Variants in SCIN observed in about 807,000 individuals in gnomAD.
SCIN encodes the protein scinderin.
Under a neutral mutation model 91.8 loss-of-function variants are expected in SCIN, and 91 were observed. The ratio of observed to expected loss-of-function variants is 0.99; its 90% CI spans 0.84 to 1.18. The LOEUF (loss-of-function observed/expected upper bound fraction) is 1.18, where lower values mean the gene tolerates loss of function less well. SCIN is among the 50% of genes most tolerant of loss of function. SCIN has a pLI of 0.00. For synonymous variants in SCIN, 367 were observed against 312.6 expected, an observed-to-expected ratio of 1.17 and a Z score of -1.84; for missense variants, 1,087 against 863.9, an observed-to-expected ratio of 1.26 and a Z score of -3.24.
intron 10 of SCIN, among the ~76,000 whole-genome samples, chr7:12,637,627 G>A (rs1037433471): frequency 1.3e-5 from 2 of 150,172 alleles, no homozygotes; most frequent in Non-Finnish European, 2.9e-5. Flanking sequence ...AATGAGACAA[G>A]TAAGAAGGAG....
At chr7:12,632,797 C>G (rs1013750682) in intron 9 of SCIN, among the ~76,000 whole-genome samples, 1 of 152,150 alleles carries the variant, frequency 6.6e-6, no homozygotes, top group African/African-American at 2.4e-5. Flanking sequence ...GGCACCACAT[C>G]GGTAAAAGTT....
intron 5 of SCIN, among the ~76,000 whole-genome samples, chr7:12,623,457 G>T (rs1296287705): frequency 5.3e-5 from 8 of 152,134 alleles, no homozygotes; most frequent in Non-Finnish European, 1.0e-4. Context: ...ACCACTCTGG[G>T]TCTAAGTATT....
rs1784122513 is a variant in SCIN, at chr7:12,653,479, T to C, written c.*764T>C. On this transcript the variant is annotated 3_prime_UTR_variant, in exon 16 of 16. Coordinates refer to ENST00000297029, the MANE Select transcript of SCIN (RefSeq NM_001112706.3). This position sits in a 1 kb window ranked among gnomAD's most constrained non-coding sequence, Gnocchi z 4.1. ...CAATAAGGTTTATGTTAAGGTGGCT[T>C]TAACAATTGGTTGCTATTTTCCTTC... The C allele has an allele frequency of 6.6e-6, 1 of 152,222 alleles. No homozygotes were observed. The highest frequency in any genetic ancestry group is 1.5e-5 in the Non-Finnish European group (1 of 68,040). 9.4% of individuals were successfully genotyped at this position (152,222 alleles called of 1,614,324 possible).
chr7:12,571,058 G>A, intron 1 of SCIN, 73 bp downstream of exon 1: 4 of 1,435,258 alleles, frequency 2.8e-6, no homozygotes, highest in Non-Finnish European at 3.7e-6. Flanking sequence ...TCTGAGATTT[G>A]CAGGCGTGGG....
intron 4 of SCIN, among the ~76,000 whole-genome samples, chr7:12,606,160 A>G (rs756929823): frequency 3.3e-5 from 5 of 152,216 alleles, no homozygotes; most frequent in Non-Finnish European, 5.9e-5. Flanking sequence ...ACCAGTTGCT[A>G]CTTCCTTGTA....
At chr7:12,606,359 C>G (rs1213887092) in intron 4 of SCIN, among the ~76,000 whole-genome samples, 1 of 152,160 alleles carries the variant, frequency 6.6e-6, no homozygotes, top group Non-Finnish European at 1.5e-5. Flanking sequence ...TAAAGGCTAT[C>G]TCATAAACAT....
intron 3 of SCIN, among the ~76,000 whole-genome samples, chr7:12,604,240 T>C (rs1303798603): frequency 1.3e-5 from 2 of 152,084 alleles, no homozygotes; most frequent in East Asian, 1.9e-4. Flanking sequence ...TCAAATTTAA[T>C]CCATATGTTT....
intron 3 of SCIN, among the ~76,000 whole-genome samples, chr7:12,601,687 A>G (rs1490538786): frequency 6.6e-6 from 1 of 152,232 alleles, no homozygotes; most frequent in Non-Finnish European, 1.5e-5. Flanking sequence ...AGATACAGTA[A>G]ACATTGAAGG....
chr7:12,619,753 C>T (rs1291771414), intron 4 of SCIN, among the ~76,000 whole-genome samples: 1 of 152,028 alleles, frequency 6.6e-6, no homozygotes, highest in Non-Finnish European at 1.5e-5. Flanking sequence ...CATTCAGCAT[C>T]TGAAGGGGAC....
At chr7:12,640,776 C>A (rs551814373) in intron 11 of SCIN, among the ~76,000 whole-genome samples, 1 of 152,178 alleles carries the variant, frequency 6.6e-6, no homozygotes, top group Non-Finnish European at 1.5e-5. Flanking sequence ...CACAAATTAG[C>A]TGTCAAAAGC....
chr7:12,575,084 T>G (rs552932426), intron 1 of SCIN, among the ~76,000 whole-genome samples: 1 of 152,266 alleles, frequency 6.6e-6, no homozygotes, highest in Admixed American at 6.5e-5. Context: ...GTATTTCAGT[T>G]TCTTTGGAGT....
chr7:12,634,107 G>A lies in SCIN; in HGVS notation c.1320-1938G>A, dbSNP rs182934765. On this transcript the variant is annotated intron_variant, in intron 9 of 15. Coordinates refer to ENST00000297029, the MANE Select transcript of SCIN (RefSeq NM_001112706.3). ...AGGGGGGTGGGTATTGCCCAACGTG[G>A]CAGGTTATTTTAATCTGTTCCGAGT... Among the ~76,000 whole-genome samples the A allele has an allele frequency of 3.1e-3, 479 of 152,188 alleles. 1 individual carries two copies. The highest frequency in any genetic ancestry group is 5.5e-3 in the Non-Finnish European group (375 of 68,006).
chr7:12,582,630 T>C (rs1427373435), intron 3 of SCIN, among the ~76,000 whole-genome samples: 1 of 152,136 alleles, frequency 6.6e-6, no homozygotes, highest in Admixed American at 6.5e-5. Flanking sequence ...CACAATAAAT[T>C]TCATGGGAAA....
At position 12,629,259 on chromosome 7, in the gene SCIN, G is replaced by A. The variant is rs1583310515; in HGVS notation, c.1319+37G>A. 6.4e-6 allele frequency: 10 copies of A among 1,574,582 alleles called. No homozygotes were observed. The East Asian group carries it at 2.3e-4, about 36-fold the overall frequency. ...CGGGTAAAGATCTCGAGTTCCACAG[G>A]AGCCAGATTTTGCTCCAAAGTATTA... On this transcript the variant is annotated intron_variant, in intron 9 of 15. Coordinates refer to ENST00000297029, the MANE Select transcript of SCIN (RefSeq NM_001112706.3).
intron 4 of SCIN, among the ~76,000 whole-genome samples, chr7:12,606,176 A>G (rs1350533212): frequency 6.6e-6 from 1 of 152,192 alleles, no homozygotes; most frequent in Non-Finnish European, 1.5e-5. Context: ...TTGTACGAGC[A>G]CTGTGTTCCA....
At chr7:12,587,373 G>A (rs1020304649) in intron 3 of SCIN, among the ~76,000 whole-genome samples, 1 of 152,190 alleles carries the variant, frequency 6.6e-6, no homozygotes, top group Non-Finnish European at 1.5e-5. Context: ...GAGGATGGAT[G>A]TGTGAGTCTG....
chr7:12,571,038 G>A, intron 1 of SCIN, 53 bp downstream of exon 1: 1 of 1,503,046 alleles, frequency 6.7e-7, no homozygotes, highest in Non-Finnish European at 8.9e-7. Context: ...GCGAGGGGAG[G>A]GCGTAGGGGT....
At chr7:12,604,717 C>A in intron 4 of SCIN, 54 bp downstream of exon 4, 2 of 1,389,450 alleles carry the variant, frequency 1.4e-6, no homozygotes, top group South Asian at 1.3e-5. Flanking sequence ...TCGTATGTGT[C>A]TGTGTGGTGT....
At chr7:12,576,171 G>C (rs930078576) in intron 1 of SCIN, among the ~76,000 whole-genome samples, 2 of 151,986 alleles carry the variant, frequency 1.3e-5, no homozygotes, top group Admixed American at 6.6e-5. Context: ...CTCTCTTAAG[G>C]CATCATAAAA....
Sources: allele counts gnomAD v4.1 joint callset (sites outside exome capture counted in the v4.1 genomes callset), GRCh38; gene constraint gnomAD v4.1.1; non-coding constraint Gnocchi (gnomAD v3.1); transcripts MANE v1.5; gene names NCBI Gene and HGNC (gene_info 2026-07-23, HGNC 2026-07-21).